DNAAF9: variants seen among roughly 807,000 people sequenced by gnomAD.
The protein encoded by DNAAF9 is dynein axonemal assembly factor 9.
In DNAAF9, 90 loss-of-function variants were observed where a neutral mutation model predicts 167.0. That is an observed-to-expected ratio of 0.54 (90% CI 0.45 to 0.64). DNAAF9 has a LOEUF of 0.64. Among genes scored for constraint, DNAAF9 ranks in the 30% least tolerant of loss-of-function variants. The pLI is 0.00. For synonymous variants in DNAAF9, 491 were observed against 508.8 expected (o/e 0.96, Z 0.47); for missense variants, 1,315 against 1,442.2 (o/e 0.91, Z 1.43).
chr20:3,273,296 A>G (rs2068624885), intron 29 of DNAAF9, among the ~76,000 whole-genome samples: 1 of 152,228 alleles, frequency 6.6e-6, no homozygotes, highest in African/African-American at 2.4e-5. Flanking sequence ...AGTTAAAAAA[A>G]TTAGCTGTAT....
At chr20:3,278,574 C>T (rs973087094) in intron 29 of DNAAF9, among the ~76,000 whole-genome samples, 1 of 152,040 alleles carries the variant, frequency 6.6e-6, no homozygotes, top group African/African-American at 2.4e-5. Flanking sequence ...CAAAAATTAG[C>T]TGGGTGTGGT....
rs767982353 is a variant in DNAAF9 at position 3,264,427 on chromosome 20, A to G, written c.2873+11T>C. 4.1e-6 allele frequency: 5 copies of G among 1,207,216 alleles called. No individual in the cohort carries two copies. In the African/African-American group the frequency reaches 6.1e-5, roughly 15 times the overall value. The allele number at this position is 1,207,216 out of a possible 1,614,324, so 74.8% of individuals were successfully genotyped here. On this transcript the variant is annotated intron_variant, in intron 31 of 36. Coordinates refer to ENST00000252032, the MANE Select transcript of DNAAF9 (RefSeq NM_001009984.3). ...AAAAAATCTTAGTTATTTTTCAATG[A>G]TGATACTTGCCAGCCAGGATACATT...
chr20:3,342,197 T>C (rs909548762), intron 9 of DNAAF9, among the ~76,000 whole-genome samples: 2 of 152,192 alleles, frequency 1.3e-5, no homozygotes, highest in African/African-American at 4.8e-5. Flanking sequence ...CCAGCCAAGA[T>C]AATTTTCTCT....
At chr20:3,255,334 G>A in intron 34 of DNAAF9, 50 bp from the exon 35 acceptor site, 8 of 1,197,406 alleles carry the variant, frequency 6.7e-6, no homozygotes, top group Non-Finnish European at 8.5e-6. Context: ...CTCATGGAGT[G>A]CATGGGCAGG....
rs989569460 is a variant in DNAAF9, at chr20:3,382,394, A to T, written c.163+33T>A. The T allele has an allele frequency of 7.0e-6, 11 of 1,570,294 alleles. No individual in the cohort carries two copies. The African/African-American group carries it at 1.5e-4, about 21-fold the overall frequency. ...TGAACAAAAAAAGCCAAGTTGCCCA[A>T]GCCCTGAGTCCCACCTTGTTAAAAG... is the stretch of plus-strand genomic sequence containing the variant. On this transcript the variant is annotated intron_variant, in intron 2 of 36. Transcript: ENST00000252032.
intron 3 of DNAAF9, among the ~76,000 whole-genome samples, chr20:3,380,471 T>C (rs2083633364): frequency 6.6e-6 from 1 of 152,158 alleles, no homozygotes; most frequent in Non-Finnish European, 1.5e-5. Context: ...TTGTTCTAGG[T>C]GACTGTTCTG....
chr20:3,349,494 G>A (rs187474041), intron 7 of DNAAF9, among the ~76,000 whole-genome samples: 1 of 152,262 alleles, frequency 6.6e-6, no homozygotes, highest in East Asian at 1.9e-4. Context: ...AGTGCCAAAA[G>A]GGTCACATCT....
intron 6 of DNAAF9, chr20:3,360,025 C>T (rs1007547338): frequency 6.5e-6 from 1 of 153,944 alleles, no homozygotes; most frequent in African/African-American, 2.4e-5. Context: ...TCCTCATAAA[C>T]AAACACTTAG....
chr20:3,372,294 G>A (rs1304176551), intron 6 of DNAAF9, among the ~76,000 whole-genome samples: 1 of 152,204 alleles, frequency 6.6e-6, no homozygotes, highest in African/African-American at 2.4e-5. Context: ...CACTGGGAAG[G>A]GCAGGGGAAA....
intron 30 of DNAAF9, among the ~76,000 whole-genome samples, chr20:3,268,369 G>A (rs1335946973): frequency 1.5e-5 from 2 of 133,022 alleles, no homozygotes; most frequent in Non-Finnish European, 3.2e-5. Flanking sequence ...TCTCTTTGTC[G>A]CCCACCTGGA....
chr20:3,336,264 T>G (rs868307958), intron 10 of DNAAF9, among the ~76,000 whole-genome samples: 5 of 137,900 alleles, frequency 3.6e-5, no homozygotes, highest in Non-Finnish European at 6.1e-5. Flanking sequence ...TTTTGTTTTT[T>G]TTTTTTTTTT....
intron 14 of DNAAF9, among the ~76,000 whole-genome samples, chr20:3,323,166 A>G (rs6037550): frequency 1.6e-4 from 24 of 149,456 alleles, no homozygotes; most frequent in Admixed American, 5.4e-4. Flanking sequence ...CACATACTAG[A>G]TAGCTACACA....
intron 8 of DNAAF9, 102 bp downstream of exon 8, chr20:3,348,423 T>C: frequency 1.8e-6 from 1 of 568,842 alleles, no homozygotes; most frequent in East Asian, 3.0e-5. Context: ...AATGACAAAT[T>C]AGAATTGATA....
intron 7 of DNAAF9, among the ~76,000 whole-genome samples, chr20:3,354,707 C>T (rs2083261518): frequency 6.6e-6 from 1 of 152,196 alleles, no homozygotes; most frequent in Non-Finnish European, 1.5e-5. Context: ...AAGAAGCAAT[C>T]CTGAGCACTT....
At chr20:3,362,474 T>C in intron 6 of DNAAF9, 2 of 388,262 alleles carry the variant, frequency 5.2e-6, no homozygotes, top group East Asian at 7.9e-5. Context: ...AGCTTCATTT[T>C]TTTCACCTGT....
intron 30 of DNAAF9, among the ~76,000 whole-genome samples, chr20:3,268,920 T>TTTTTTTTC (rs1568568208): frequency 1.6e-5 from 2 of 126,880 alleles, no homozygotes; most frequent in East Asian, 2.3e-4. Context: ...TTTTTTTTTT[T>TTTTTTTTC]TGAGACAGAG....
At chr20:3,323,558 G>A (rs2069657613) in intron 14 of DNAAF9, among the ~76,000 whole-genome samples, 1 of 152,102 alleles carries the variant, frequency 6.6e-6, no homozygotes. Flanking sequence ...TAAGATTACA[G>A]GCGTGAGCCA....
chr20:3,290,541 G>T (rs2068932668), intron 25 of DNAAF9, among the ~76,000 whole-genome samples: 1 of 152,152 alleles, frequency 6.6e-6, no homozygotes, highest in African/African-American at 2.4e-5. Flanking sequence ...AAAATACAAT[G>T]CATTAAAGGA....
chr20:3,274,152 A>AT (rs1393158173), intron 29 of DNAAF9, among the ~76,000 whole-genome samples: 9 of 150,472 alleles, frequency 6.0e-5, no homozygotes, highest in Admixed American at 1.3e-4. Flanking sequence ...TTTTATTTTT[A>AT]TTTTTTTTGA....
Sources: gnomAD v4.1 joint callset for allele counts (sites outside exome capture counted in the v4.1 genomes callset) on GRCh38, gnomAD v4.1.1 for gene constraint, MANE v1.5 for transcripts, NCBI Gene and HGNC (gene_info 2026-07-23, HGNC 2026-07-21) for gene names.